Variants in NRG1 observed in about 807,000 individuals in gnomAD.
The protein encoded by NRG1 is neuregulin 1.
NRG1 carries 18 observed loss-of-function variants against 63.8 expected under a neutral mutation model. The observed-to-expected ratio is 0.28, with a 90% CI of 0.19 to 0.42. The LOEUF (loss-of-function observed/expected upper bound fraction) is 0.42. Ranked by LOEUF, NRG1 falls within the 10% of genes least tolerant of loss-of-function variation. The pLI, the probability that NRG1 is intolerant of heterozygous loss-of-function variation, is 1.00. For missense variants in NRG1, 762 were observed against 814.7 expected (o/e 0.94, Z 0.79); for synonymous variants, 302 against 301.3 (o/e 1.00, Z -0.02).
intron 7 of NRG1, among the ~76,000 whole-genome samples, chr8:32,773,712 C>A (rs1831937727): frequency 6.6e-6 from 1 of 152,196 alleles, no homozygotes; most frequent in Non-Finnish European, 1.5e-5. Flanking sequence ...CCTGGGCCAT[C>A]CTTCACATCA....
chr8:32,702,649 G>A (rs187487140), intron 5 of NRG1, among the ~76,000 whole-genome samples: 9 of 152,196 alleles, frequency 5.9e-5, no homozygotes, highest in Admixed American at 2.0e-4. Flanking sequence ...ATCCACACCC[G>A]GTTAACTTTT....
At chr8:32,427,591 C>G (rs1483597453) in intron 1 of NRG1, among the ~76,000 whole-genome samples, 2 of 152,182 alleles carry the variant, frequency 1.3e-5, no homozygotes, top group East Asian at 3.9e-4. Flanking sequence ...ACTTGATTTT[C>G]TTGCATGTGC....
At chr8:32,729,519 T>C (rs1219030214) in intron 6 of NRG1, among the ~76,000 whole-genome samples, 1 of 152,198 alleles carries the variant, frequency 6.6e-6, no homozygotes, top group South Asian at 2.1e-4. Context: ...TCACAAAAAC[T>C]GTTTTCTGCT....
chr8:32,666,002 A>G (rs1219984222), intron 5 of NRG1, among the ~76,000 whole-genome samples: 2 of 152,206 alleles, frequency 1.3e-5, no homozygotes, highest in African/African-American at 4.8e-5. Flanking sequence ...TCAGTATGCA[A>G]GAATTCCAGT....
chr8:31,755,179 C>T (rs1379853587), intron 1 of NRG1, among the ~76,000 whole-genome samples: 10 of 152,098 alleles, frequency 6.6e-5, no homozygotes, highest in Non-Finnish European at 1.5e-4. Context: ...AGAGGCTGCA[C>T]AGGGAAGAGT....
chr8:32,100,113 C>A (rs1021451915), intron 1 of NRG1, among the ~76,000 whole-genome samples: 11 of 151,966 alleles, frequency 7.2e-5, no homozygotes, highest in Admixed American at 1.3e-4. Flanking sequence ...CTTCCCCTTC[C>A]CCCTCTTTTC....
chr8:31,868,335 T>C (rs1326775583), intron 1 of NRG1, among the ~76,000 whole-genome samples: 1 of 152,108 alleles, frequency 6.6e-6, no homozygotes, highest in East Asian at 1.9e-4. Context: ...GAGGGAAACA[T>C]CCCTGAGGAA....
intron 1 of NRG1, among the ~76,000 whole-genome samples, chr8:31,821,128 G>A (rs1477466145): frequency 6.6e-6 from 1 of 152,094 alleles, no homozygotes; most frequent in African/African-American, 2.4e-5. Flanking sequence ...ATTGTTTAGG[G>A]AATATGACAA....
intron 5 of NRG1, among the ~76,000 whole-genome samples, chr8:32,712,363 A>G (rs1424853578): frequency 6.6e-6 from 1 of 152,182 alleles, no homozygotes; most frequent in Non-Finnish European, 1.5e-5. Flanking sequence ...TGGTCAGCAG[A>G]CATATTTGAT....
intron 6 of NRG1, among the ~76,000 whole-genome samples, chr8:32,731,216 G>A (rs1823572987): frequency 6.6e-6 from 1 of 152,118 alleles, no homozygotes; most frequent in African/African-American, 2.4e-5. Flanking sequence ...GCCAACAACT[G>A]CAATTTTTCT....
At chr8:32,719,930 A>G (rs1403000221) in intron 5 of NRG1, among the ~76,000 whole-genome samples, 1 of 152,170 alleles carries the variant, frequency 6.6e-6, no homozygotes, top group Admixed American at 6.5e-5. Context: ...TAGTTTTACA[A>G]AAATTGACTT....
chr8:32,576,076 C>T (rs1240932640), intron 1 of NRG1, among the ~76,000 whole-genome samples: 1 of 152,080 alleles, frequency 6.6e-6, no homozygotes, highest in Non-Finnish European at 1.5e-5. Context: ...TGTGGAATGG[C>T]TAAAGCAAGC....
chr8:32,208,588 C>T (rs1844328382), intron 1 of NRG1, among the ~76,000 whole-genome samples: 1 of 151,936 alleles, frequency 6.6e-6, no homozygotes, highest in African/African-American at 2.4e-5. Flanking sequence ...ACTATTTGAC[C>T]ATATGAAAAT....
chr8:32,315,244 C>T (rs376780936), intron 1 of NRG1, among the ~76,000 whole-genome samples: 1 of 152,142 alleles, frequency 6.6e-6, no homozygotes, highest in African/African-American at 2.4e-5. Flanking sequence ...CTCTGCCCAC[C>T]CCCCTGACAG....
intron 5 of NRG1, among the ~76,000 whole-genome samples, chr8:32,675,383 A>T (rs1302563808): frequency 6.6e-6 from 1 of 152,194 alleles, no homozygotes; most frequent in African/African-American, 2.4e-5. Flanking sequence ...TAATTAAGAG[A>T]AGCACTTTTG....
intron 1 of NRG1, among the ~76,000 whole-genome samples, chr8:31,764,985 C>T (rs574133418): frequency 6.1e-5 from 9 of 146,836 alleles, no homozygotes; most frequent in African/African-American, 1.3e-4. Context: ...TGAGAATATG[C>T]GGTGTTTGAT....
intron 1 of NRG1, among the ~76,000 whole-genome samples, chr8:32,283,683 T>C (rs542358762): frequency 2.0e-5 from 3 of 152,234 alleles, no homozygotes; most frequent in Non-Finnish European, 4.4e-5. Flanking sequence ...TTAGGGTTTC[T>C]ATTAGAGTTT....
rs143409864 is a variant in NRG1 at position 31,959,825 on chromosome 8, A to G, written c.37+320394A>G. ...TATTTATTTATTTATTTATTTATTTATTTATTTATTTATTATAGAGATGGA... is the reference window on the plus strand; with the variant it reads ...TATTTATTTATTTATTTATTTATTTGTTTATTTATTTATTATAGAGATGGA... On this transcript the variant is annotated intron_variant, in intron 1 of 10. Transcript: ENST00000519301. Among the ~76,000 whole-genome samples the G allele has an allele frequency of 6.0e-3, 845 of 140,934 alleles. 11 individuals are homozygous for G. The highest frequency in any genetic ancestry group is 0.021 in the African/African-American group (812 of 38,956). 92.5% of individuals were successfully genotyped at this position (140,934 alleles called of 152,430 possible).
intron 1 of NRG1, among the ~76,000 whole-genome samples, chr8:32,035,575 T>G (rs1402256512): frequency 6.6e-6 from 1 of 152,212 alleles, no homozygotes; most frequent in Non-Finnish European, 1.5e-5. Flanking sequence ...TGTGGGAGTC[T>G]AAGTCTCTTT....
Sources: allele counts gnomAD v4.1 joint callset (sites outside exome capture counted in the v4.1 genomes callset), GRCh38; gene constraint gnomAD v4.1.1; transcripts MANE v1.5; gene names NCBI Gene and HGNC (gene_info 2026-07-23, HGNC 2026-07-21).